STK3: variants seen among roughly 807,000 people sequenced by gnomAD.
STK3 encodes the protein serine/threonine-protein kinase 3.
STK3 carries 41 observed loss-of-function variants against 58.0 expected under a neutral mutation model. The observed-to-expected ratio is 0.71, with a 90% confidence interval of 0.55 to 0.92. The LOEUF (loss-of-function observed/expected upper bound fraction) is 0.92. Ranked by LOEUF, STK3 falls within the 40% of genes least tolerant of loss-of-function variation. STK3 has a pLI of 0.00. For synonymous variants in STK3, 170 were observed against 191.0 expected, an observed-to-expected ratio of 0.89 and a Z score of 0.91; for missense variants, 479 against 602.7, an observed-to-expected ratio of 0.79 and a Z score of 2.15.
intron 6 of STK3, among the ~76,000 whole-genome samples, chr8:98,648,407 T>G (rs1055986775): frequency 2.0e-5 from 3 of 152,212 alleles, no homozygotes; most frequent in African/African-American, 4.8e-5. Context: ...TGCAAAAAGA[T>G]CCTTGCTTTG....
At chr8:98,451,121 T>C (rs1819178739), downstream of STK3, among the ~76,000 whole-genome samples, 1 of 152,212 alleles carries the variant, frequency 6.6e-6, no homozygotes, top group African/African-American at 2.4e-5. Context: ...CACAAAATTA[T>C]TATTATTGTT....
At chr8:98,737,748 C>G (rs1318128394) in intron 4 of STK3, among the ~76,000 whole-genome samples, 1 of 152,104 alleles carries the variant, frequency 6.6e-6, no homozygotes, top group Non-Finnish European at 1.5e-5. Flanking sequence ...CACTCTTTCG[C>G]CTAGGCTAGA....
At chr8:98,562,646 A>G (rs1009276136) in intron 8 of STK3, among the ~76,000 whole-genome samples, 4 of 147,306 alleles carry the variant, frequency 2.7e-5, no homozygotes, top group African/African-American at 9.9e-5. Flanking sequence ...CATCATAAAG[A>G]GTGAACCTAC....
intron 1 of STK3, among the ~76,000 whole-genome samples, chr8:98,814,829 C>T (rs1050032512): frequency 6.6e-6 from 1 of 152,148 alleles, no homozygotes; most frequent in Non-Finnish European, 1.5e-5. Flanking sequence ...CACAGGTGTG[C>T]ACCACCATGC....
At chr8:98,427,985 C>G (rs763172699) in intron 3 of STK3, 6 of 1,535,638 alleles carry the variant, frequency 3.9e-6, no homozygotes, top group Non-Finnish European at 4.4e-6. Flanking sequence ...CCAGCATGAC[C>G]GGCCAGAGCC....
chr8:98,850,243 A>C (rs72668412), intron 3 of STK3, among the ~76,000 whole-genome samples: 4,429 of 152,256 alleles, frequency 0.029, 97 homozygotes, highest in South Asian at 0.064. Context: ...GGACAATCAT[A>C]GCACACTACA....
chr8:98,924,159 T>A (rs1839695453), intron 1 of STK3, among the ~76,000 whole-genome samples: 1 of 152,348 alleles, frequency 6.6e-6, no homozygotes, highest in Admixed American at 6.5e-5. Flanking sequence ...TTGTGGAGGC[T>A]GTTCCCCGTC....
chr8:98,776,361 T>TG (rs1425863206), intron 1 of STK3, among the ~76,000 whole-genome samples: 1 of 151,816 alleles, frequency 6.6e-6, no homozygotes, highest in Non-Finnish European at 1.5e-5. Flanking sequence ...CTGGACTGGA[T>TG]GATGGCTACA....
At chr8:98,821,514 A>G (rs1834897208) in intron 1 of STK3, among the ~76,000 whole-genome samples, 1 of 151,398 alleles carries the variant, frequency 6.6e-6, no homozygotes, top group African/African-American at 2.4e-5. Flanking sequence ...AAAAAAAAAA[A>G]TTAGGTATGG....
chr8:98,361,544 A>C, the STK3 span, among the ~76,000 whole-genome samples: 1 of 152,122 alleles, frequency 6.6e-6, no homozygotes, highest in Non-Finnish European at 1.5e-5. Flanking sequence ...AGTGCCTGAC[A>C]CCTCTGAGCA....
At chr8:98,416,751 C>G (rs1818118671) in intron 3 of STK3, among the ~76,000 whole-genome samples, 1 of 152,206 alleles carries the variant, frequency 6.6e-6, no homozygotes, top group Non-Finnish European at 1.5e-5. Flanking sequence ...TTAGTTGAGT[C>G]ACACGTAAGC....
At chr8:98,918,258 C>T (rs926070517) in intron 1 of STK3, among the ~76,000 whole-genome samples, 3 of 152,168 alleles carry the variant, frequency 2.0e-5, no homozygotes, top group Non-Finnish European at 4.4e-5. Flanking sequence ...GTTATCAAGT[C>T]TCCCTCTGTG....
chr8:98,420,838 CTA>C (rs763308869), intron 3 of STK3, among the ~76,000 whole-genome samples: 16 of 152,356 alleles, frequency 1.1e-4, no homozygotes, highest in East Asian at 1.9e-4. Context: ...TCAGCACTTG[CTA>C]TGTGTCAGGC....
chr8:98,587,612 T>G (rs547116584), intron 7 of STK3, among the ~76,000 whole-genome samples: 20 of 152,166 alleles, frequency 1.3e-4, no homozygotes, highest in Non-Finnish European at 1.9e-4. Flanking sequence ...TGTCTATTAG[T>G]TCCGCTTGGT....
At chr8:98,892,018 G>A (rs1838218901) in intron 1 of STK3, among the ~76,000 whole-genome samples, 1 of 152,114 alleles carries the variant, frequency 6.6e-6, no homozygotes, top group Non-Finnish European at 1.5e-5. Flanking sequence ...GTAAATATCT[G>A]GGGTAGGCAG....
At chr8:98,402,258 G>A (rs897922299) in intron 3 of STK3, among the ~76,000 whole-genome samples, 8 of 152,088 alleles carry the variant, frequency 5.3e-5, no homozygotes, top group Admixed American at 2.6e-4. Flanking sequence ...CCATAAGGCC[G>A]GTGCACTTGC....
At chr8:98,499,409 G>A (rs1306584966) in intron 10 of STK3, among the ~76,000 whole-genome samples, 1 of 152,214 alleles carries the variant, frequency 6.6e-6, no homozygotes. Context: ...TGGAAGTGGG[G>A]TGGTACAAAA....
intron 8 of STK3, among the ~76,000 whole-genome samples, chr8:98,558,073 C>A (rs909653127): frequency 3.3e-5 from 5 of 152,084 alleles, no homozygotes; most frequent in African/African-American, 9.7e-5. Flanking sequence ...GCAACCTTAA[C>A]CGTGACATTT....
chr8:98,628,620 A>G (rs1184091291), intron 6 of STK3, among the ~76,000 whole-genome samples: 3 of 152,026 alleles, frequency 2.0e-5, no homozygotes, highest in Non-Finnish European at 4.4e-5. Flanking sequence ...AAAATAGCGC[A>G]ACCCTATCTC....
Sources: allele counts gnomAD v4.1 joint callset (sites outside exome capture counted in the v4.1 genomes callset), GRCh38; gene constraint gnomAD v4.1.1; transcripts MANE v1.5; gene names NCBI Gene and HGNC (gene_info 2026-07-23, HGNC 2026-07-21).